PTPRT: variants seen among roughly 807,000 people sequenced by gnomAD.
PTPRT encodes the protein receptor-type tyrosine-protein phosphatase T.
A neutral mutation model predicts 176.8 loss-of-function variants in PTPRT; 56 were observed. The ratio of observed to expected loss-of-function variants is 0.32; its 90% confidence interval spans 0.26 to 0.40. PTPRT has a LOEUF of 0.40. PTPRT is among the 10% of genes least tolerant of loss of function. PTPRT has a pLI of 1.00. For missense variants in PTPRT, 1,540 were observed against 1,908.2 expected, an observed-to-expected ratio of 0.81 and a Z score of 3.60; for synonymous variants, 783 against 739.0, an observed-to-expected ratio of 1.06 and a Z score of -0.96.
intron 17 of PTPRT, among the ~76,000 whole-genome samples, chr20:42,146,029 C>T (rs1307623536): frequency 6.6e-6 from 1 of 152,180 alleles, no homozygotes; most frequent in Non-Finnish European, 1.5e-5. Flanking sequence ...TCTTGCTCCT[C>T]ATTCTACCAA....
chr20:42,824,522 A>C (rs1297488502), intron 2 of PTPRT, among the ~76,000 whole-genome samples: 2 of 152,050 alleles, frequency 1.3e-5, no homozygotes, highest in Non-Finnish European at 2.9e-5. Context: ...AGAAAGGCTA[A>C]ACTATTAATT....
In PTPRT at chr20:42,079,926, C is replaced by T. The variant is rs1600455665; in HGVS notation, c.*953G>A. 3 of 232,672 alleles carry T rather than the reference C, an allele frequency of 1.3e-5. No individual in the cohort carries two copies. In the Admixed American group the frequency reaches 1.7e-4, roughly 13 times the overall value. 14.4% of individuals were successfully genotyped at this position (232,672 alleles called of 1,614,324 possible). A position where few individuals can be genotyped will look rare whatever the true frequency, so the allele number is the denominator to read the frequency against. On this transcript the variant is annotated 3_prime_UTR_variant, in exon 31 of 31. Transcript: ENST00000373187. ...GAGGTACATACTCAAACTCCCCCGC[C>T]CCCTTCTTTTTGACATAAGAGACTA... is the stretch of plus-strand genomic sequence containing the variant.
chr20:42,874,658 C>A (rs1453990893), intron 2 of PTPRT, among the ~76,000 whole-genome samples: 5 of 152,186 alleles, frequency 3.3e-5, no homozygotes, highest in Admixed American at 2.0e-4. Context: ...CCTCCATTTA[C>A]TGTAACTCAC....
At chr20:42,163,231 T>C (rs1169238854) in intron 16 of PTPRT, among the ~76,000 whole-genome samples, 1 of 152,170 alleles carries the variant, frequency 6.6e-6, no homozygotes, top group Non-Finnish European at 1.5e-5. Context: ...GAGTGTGGTC[T>C]CTAAAACTTC....
intron 6 of PTPRT, among the ~76,000 whole-genome samples, chr20:42,702,126 C>A (rs1022805499): frequency 6.6e-6 from 1 of 152,174 alleles, no homozygotes; most frequent in African/African-American, 2.4e-5. Context: ...CTGCACCCAC[C>A]AATCACATCC....
intron 1 of PTPRT, among the ~76,000 whole-genome samples, chr20:42,998,186 G>T (rs1984334643): frequency 6.6e-6 from 1 of 152,188 alleles, no homozygotes; most frequent in Non-Finnish European, 1.5e-5. Context: ...ACAACTAGCT[G>T]TCTCTCTGGA....
chr20:42,761,105 A>G (rs367958719), intron 5 of PTPRT, among the ~76,000 whole-genome samples: 17 of 152,326 alleles, frequency 1.1e-4, no homozygotes, highest in African/African-American at 4.1e-4. Flanking sequence ...GTCCCCAGAC[A>G]GGCTGCACTA....
chr20:42,533,246 A>G (rs1315854209), intron 7 of PTPRT, among the ~76,000 whole-genome samples: 2 of 152,148 alleles, frequency 1.3e-5, no homozygotes, highest in Non-Finnish European at 2.9e-5. Flanking sequence ...ATTCTAGAAA[A>G]TCAAGCAGAG....
chr20:42,288,268 G>T (rs889937638), intron 12 of PTPRT, among the ~76,000 whole-genome samples: 1 of 151,952 alleles, frequency 6.6e-6, no homozygotes, highest in African/African-American at 2.4e-5. Flanking sequence ...CTCTGCAAAT[G>T]TGAACATTAA....
rs2071442897 is a variant in PTPRT, at chr20:42,484,953, C to T, written c.1154-12391G>A. ...TCAGACCTTGATCTTCCCTCTCTGCCCCATCCAGATGCAGTCCCCTGGACT... is the reference window on the plus strand; with the variant it reads ...TCAGACCTTGATCTTCCCTCTCTGCTCCATCCAGATGCAGTCCCCTGGACT... On this transcript the variant is annotated intron_variant, in intron 7 of 30. Transcript: ENST00000373187. Among the ~76,000 whole-genome samples the T allele has an allele frequency of 2.6e-5, 4 of 152,140 alleles. No homozygotes were observed. The South Asian group carries it at 6.2e-4, about 24-fold the overall frequency.
At chr20:42,893,157 C>T (rs1481828549) in intron 1 of PTPRT, among the ~76,000 whole-genome samples, 1 of 152,030 alleles carries the variant, frequency 6.6e-6, no homozygotes, top group Non-Finnish European at 1.5e-5. Flanking sequence ...TGAACTCAAA[C>T]AAATTTACAA....
At chr20:43,075,894 G>T (rs58969177) in intron 1 of PTPRT, among the ~76,000 whole-genome samples, 15,666 of 152,204 alleles carry the variant, frequency 0.1, 1,007 homozygotes, top group African/African-American at 0.17. Context: ...TTTCAAAGCA[G>T]GAAATGTGAG....
rs1324109060 is a variant in PTPRT, at chr20:42,645,762, T to TTGTGTGTGTGTG, written c.1153+32103_1153+32104insCACACACACACA. Among the ~76,000 whole-genome samples the TTGTGTGTGTGTG allele has an allele frequency of 1.5e-3, 191 of 127,922 alleles. 5 individuals are homozygous for TTGTGTGTGTGTG. The highest frequency in any genetic ancestry group is 5.5e-3 in the African/African-American group (175 of 31,776). 83.9% of individuals were successfully genotyped at this position (127,922 alleles called of 152,430 possible). On this transcript the variant is annotated intron_variant, in intron 7 of 30. Transcript: ENST00000373187. ...TGTATGTTTCAGATGGGATGTGTAT[T>TTGTGTGTGTGTG]TATGTGTGTGTGTGTGTGTGTGTGT... is the stretch of plus-strand genomic sequence containing the variant.
At chr20:42,469,187 A>G (rs916870852) in intron 8 of PTPRT, among the ~76,000 whole-genome samples, 5 of 152,054 alleles carry the variant, frequency 3.3e-5, no homozygotes, top group Non-Finnish European at 5.9e-5. Context: ...ACGAGAATCT[A>G]TAAGATAAGT....
intron 6 of PTPRT, among the ~76,000 whole-genome samples, chr20:42,748,027 G>A (rs1028552913): frequency 4.6e-5 from 7 of 152,166 alleles, no homozygotes; most frequent in African/African-American, 1.7e-4. Flanking sequence ...GCAAACTGTG[G>A]CCAAATCCAG....
At chr20:42,343,270 C>A (rs1233018084) in intron 11 of PTPRT, among the ~76,000 whole-genome samples, 1 of 152,206 alleles carries the variant, frequency 6.6e-6, no homozygotes, top group Non-Finnish European at 1.5e-5. Context: ...GATGAAATGT[C>A]CTCATAGACT....
the PTPRT span, among the ~76,000 whole-genome samples, chr20:42,038,618 T>C: frequency 6.6e-6 from 1 of 152,208 alleles, no homozygotes; most frequent in Admixed American, 6.5e-5. Context: ...TGTAGTTGTG[T>C]GACATTAGAC....
chr20:42,098,526 C>A lies in PTPRT; in HGVS notation c.3741G>T (p.Val1247=), dbSNP rs1219708705. The stretch of plus-strand genomic sequence containing the variant: ...TGTTGGGTAGAGGGTGCTGGGTGAC[C>A]ACGAAGGCGGCAGGCTGCTTGTGGC... ...MDSHKQPAAF[V]VTQHPLPNTV... is the part of the protein sequence containing the mutation. The change falls in exon 27 of 31, where the codon GTG becomes GTT. Residue 1247 remains valine, a synonymous_variant. Coordinates refer to ENST00000373187, the MANE Select transcript of PTPRT (RefSeq NM_007050.6). The A allele has an allele frequency of 6.2e-7, 1 of 1,614,028 alleles. No homozygotes were observed. The highest frequency in any genetic ancestry group is 1.7e-5 in the Admixed American group (1 of 60,000).
At chr20:42,786,518 T>C (rs1020559480) in intron 3 of PTPRT, among the ~76,000 whole-genome samples, 3 of 152,178 alleles carry the variant, frequency 2.0e-5, no homozygotes, top group African/African-American at 2.4e-5. Context: ...CGCTGGAAGA[T>C]AGGACATGTT....
Sources: gnomAD v4.1 joint callset for allele counts (sites outside exome capture counted in the v4.1 genomes callset) on GRCh38, gnomAD v4.1.1 for gene constraint, MANE v1.5 for transcripts, NCBI Gene and HGNC (gene_info 2026-07-23, HGNC 2026-07-21) for gene names.